GBF1: variants seen among roughly 807,000 people sequenced by gnomAD.
GBF1 encodes golgi brefeldin A resistant guanine nucleotide exchange factor 1.
A neutral mutation model predicts 210.5 loss-of-function variants in GBF1; 114 were observed. The ratio of observed to expected loss-of-function variants is 0.54; its 90% confidence interval spans 0.47 to 0.63. The LOEUF is 0.63. Among genes scored for constraint, GBF1 ranks in the 30% least tolerant of loss-of-function variants. The pLI is 0.00. For synonymous variants in GBF1, 850 were observed against 889.2 expected, an observed-to-expected ratio of 0.96 and a Z score of 0.78; for missense variants, 1,851 against 2,357.7, an observed-to-expected ratio of 0.79 and a Z score of 4.45.
intron 3 of GBF1, among the ~76,000 whole-genome samples, chr10:102,337,234 C>A (rs988137096): frequency 6.6e-6 from 1 of 151,552 alleles, no homozygotes; most frequent in Admixed American, 6.6e-5. Flanking sequence ...AAAAGTTAGC[C>A]GGGCATGGTG....
At chr10:102,345,142 C>G (rs981180988) in intron 4 of GBF1, among the ~76,000 whole-genome samples, 1 of 151,478 alleles carries the variant, frequency 6.6e-6, no homozygotes, top group African/African-American at 2.4e-5. Context: ...ATTAGCCAGG[C>G]GTGGTGGCGG....
At chr10:102,328,283 AG>A (rs1293936103) in intron 3 of GBF1, among the ~76,000 whole-genome samples, 2 of 152,214 alleles carry the variant, frequency 1.3e-5, no homozygotes, top group Non-Finnish European at 2.9e-5. Context: ...ACTTGAACCC[AG>A]GAGTTCAAAA....
chr10:102,326,424 A>G (rs1282277358), intron 3 of GBF1, among the ~76,000 whole-genome samples: 3 of 152,210 alleles, frequency 2.0e-5, no homozygotes, highest in African/African-American at 7.2e-5. Context: ...CAGACTGGTG[A>G]GTTGGGAAGC....
intron 15 of GBF1, among the ~76,000 whole-genome samples, chr10:102,362,937 GTC>G (rs1005357363): frequency 8.5e-5 from 13 of 152,156 alleles, no homozygotes; most frequent in African/African-American, 3.1e-4. Context: ...TAGGATTTCT[GTC>G]TCTGAAAGCT....
In GBF1 at chr10:102,276,525, CAAA is replaced by C. The variant is rs67888654; in HGVS notation, c.163+16427_163+16429del. 3.7e-3 allele frequency among the ~76,000 whole-genome samples: 417 copies of C among 113,536 alleles called. 1 individual carries two copies. Among genetic ancestry groups the C allele is most frequent in the Admixed American group, 7.2e-3 (81 of 11,258 alleles). The allele number at this position is 113,536 out of a possible 152,430, so 74.5% of individuals were successfully genotyped here. On this transcript the variant is annotated intron_variant, in intron 3 of 39. Transcript: ENST00000369983. ...TGGGCGACAGAGCTAGACTCTGCCT[CAAA>C]AAAAAAAAAAAAAAAAATGTTTCTG...
At chr10:102,353,812 C>A (rs1028515300) in intron 8 of GBF1, among the ~76,000 whole-genome samples, 158 bp downstream of exon 8, 1 of 152,164 alleles carries the variant, frequency 6.6e-6, no homozygotes, top group African/African-American at 2.4e-5. Flanking sequence ...GAAATGTATT[C>A]TCTTCCAGAT....
intron 4 of GBF1, among the ~76,000 whole-genome samples, chr10:102,349,164 AG>A (rs1222226582): frequency 6.6e-6 from 1 of 152,158 alleles, no homozygotes; most frequent in Admixed American, 6.6e-5. Flanking sequence ...AAACAAAAAA[AG>A]AAAAAAAAAA....
intron 1 of GBF1, among the ~76,000 whole-genome samples, chr10:102,257,077 C>T (rs1344755117): frequency 1.3e-5 from 2 of 152,148 alleles, no homozygotes; most frequent in African/African-American, 4.8e-5. Context: ...AGATAAGGCT[C>T]AAGTATCCTC....
intron 3 of GBF1, among the ~76,000 whole-genome samples, chr10:102,274,661 A>G (rs777962577): frequency 1.0e-4 from 14 of 140,124 alleles, no homozygotes; most frequent in Non-Finnish European, 2.1e-4. Context: ...TTCTGACACA[A>G]TTTTTAGGAC....
At chr10:102,305,940 G>A (rs1422610845) in intron 3 of GBF1, among the ~76,000 whole-genome samples, 1 of 152,188 alleles carries the variant, frequency 6.6e-6, no homozygotes, top group Non-Finnish European at 1.5e-5. Flanking sequence ...ATGGAAATAG[G>A]ATGATAGGTT....
In GBF1 at chr10:102,368,785, G is replaced by A. The variant is rs1589803791; in HGVS notation, c.2926G>A (p.Asp976Asn). Residue 976 changes from aspartate to asparagine, a missense_variant, in exon 23 of 40, where the codon GAC becomes AAC. Physicochemically the swap from Asp to Asn is conservative, Grantham distance 23 (BLOSUM62 1). This residue lies in a region of GBF1 where 967 missense variants were observed against 1,247.7 expected (regional missense o/e 0.78). Coordinates refer to ENST00000369983, the MANE Select transcript of GBF1 (RefSeq NM_001377137.1). ...SAHYGLSDVFDNLIISLCKFT... is the reference protein window; with the variant it reads ...SAHYGLSDVFNNLIISLCKFT... ...CCACTATGGCCTCAGCGATGTGTTT[G>A]ACAATCTCATCATCTCTCTATGCAA... 1 of 1,613,650 alleles carries A rather than the reference G, an allele frequency of 6.2e-7. No individual in the cohort carries two copies. The highest frequency in any genetic ancestry group is 8.5e-7 in the Non-Finnish European group (1 of 1,179,602).
At chr10:102,364,659 G>C (rs2059811146) in intron 17 of GBF1, among the ~76,000 whole-genome samples, 2 of 150,896 alleles carry the variant, frequency 1.3e-5, no homozygotes, top group South Asian at 4.3e-4. Flanking sequence ...GACCAGCCTG[G>C]CTAACACGAT....
In GBF1 at chr10:102,359,296, G is replaced by A. The variant is rs146826888; in HGVS notation, c.1041G>A (p.Gln347=). The part of the protein sequence containing the change: ...QQEGTHVEKS[Q]SASVESIPEV... ...AAGGGACCCATGTGGAAAAGTCCCA[G>A]TCAGCATCTGTGGAGTCCATCCCTG... The change falls in exon 11 of 40, where the codon CAG becomes CAA. Residue 347 remains glutamine, a synonymous_variant. Coordinates refer to ENST00000369983, the MANE Select transcript of GBF1 (RefSeq NM_001377137.1). The A allele has an allele frequency of 6.2e-7, 1 of 1,612,918 alleles. No individual in the cohort carries two copies. The highest frequency in any genetic ancestry group is 1.7e-5 in the Admixed American group (1 of 60,022).
intron 38 of GBF1, 103 bp downstream of exon 38, chr10:102,380,789 C>T: frequency 2.0e-6 from 2 of 979,796 alleles, no homozygotes; most frequent in Non-Finnish European, 3.1e-6. Flanking sequence ...GGGTGGATCA[C>T]CCGAGGGCAG....
chr10:102,356,351 G>A (rs1589758124), intron 8 of GBF1, among the ~76,000 whole-genome samples: 1 of 152,326 alleles, frequency 6.6e-6, no homozygotes, highest in African/African-American at 2.4e-5. Flanking sequence ...CTGGAAGAGT[G>A]TTGCCATTGC....
At chr10:102,319,171 T>C (rs1420252461) in intron 3 of GBF1, among the ~76,000 whole-genome samples, 2 of 152,084 alleles carry the variant, frequency 1.3e-5, no homozygotes, top group Non-Finnish European at 2.9e-5. Context: ...CAAAACAAAA[T>C]TAGCCGGGCG....
chr10:102,315,243 C>A (rs978843176), intron 3 of GBF1, among the ~76,000 whole-genome samples: 2 of 152,116 alleles, frequency 1.3e-5, no homozygotes, highest in Non-Finnish European at 2.9e-5. Flanking sequence ...GGGTCCCCAA[C>A]CCCCTGGCCA....
chr10:102,297,188 C>T (rs768392638), intron 3 of GBF1, among the ~76,000 whole-genome samples: 13 of 152,214 alleles, frequency 8.5e-5, no homozygotes, highest in Non-Finnish European at 1.5e-4. Context: ...AAAATTGCTG[C>T]TGTGTGTGGG....
chr10:102,336,966 A>G (rs2057791432), intron 3 of GBF1, among the ~76,000 whole-genome samples: 1 of 152,202 alleles, frequency 6.6e-6, no homozygotes. Context: ...AGTTGAAAGT[A>G]TTTTAAAAAT....
Sources: gnomAD v4.1 joint callset for allele counts (sites outside exome capture counted in the v4.1 genomes callset) on GRCh38, gnomAD v4.1.1 for gene constraint, gnomAD v4.1.1 regional missense constraint, MANE v1.5 for transcripts, NCBI Gene and HGNC (gene_info 2026-07-23, HGNC 2026-07-21) for gene names.